Variants in CTSG observed in about 807,000 individuals in gnomAD.
The protein encoded by CTSG is cathepsin G.
Under a neutral mutation model 23.0 loss-of-function variants are expected in CTSG, and 23 were observed. The observed-to-expected ratio is 1.00, with a 90% CI of 0.72 to 1.42. The LOEUF is 1.42. Among genes scored for constraint, CTSG ranks in the 40% most tolerant of loss-of-function variants. The pLI is 0.00. For synonymous variants in CTSG, 140 were observed against 130.4 expected (o/e 1.07, Z -0.50); for missense variants, 312 against 326.2 (o/e 0.96, Z 0.33).
chr14:24,574,095 C>G, intron 4 of CTSG, 150 bp downstream of exon 4: 1 of 1,008,514 alleles, frequency 9.9e-7, no homozygotes, highest in Non-Finnish European at 1.4e-6. Context: ...CTCCTATTCC[C>G]CCAGAGACCA....
At position 24,575,317 on chromosome 14, in the gene CTSG, C is replaced by A; in HGVS notation, c.151G>T (p.Gly51Trp). 1 of 1,614,180 alleles carries A rather than the reference C, an allele frequency of 6.2e-7. No homozygotes were observed. Among genetic ancestry groups the A allele is most frequent in the Non-Finnish European group, 8.5e-7 (1 of 1,180,036 alleles). The part of the protein sequence containing the change: ...QSPAGQSRCG[G>W]FLVREDFVLT... ...ACAAAGTCTTCTCGCACCAGGAACCCTCCACATCTGCTCTGACCTGCTGGA... is the reference window on the plus strand; with the variant it reads ...ACAAAGTCTTCTCGCACCAGGAACCATCCACATCTGCTCTGACCTGCTGGA... The change falls in exon 2 of 5, where the codon GGG becomes TGG. Residue 51 changes from glycine (G) to tryptophan (W), a missense_variant. Transcript: ENST00000216336.
Position 24,574,500 on chromosome 14 carries a change from C to A in CTSG, c.340-1G>T, listed in dbSNP as rs1192540583. On this transcript the variant is annotated splice_acceptor_variant, in intron 3 of 4. Transcript: ENST00000216336. LOFTEE classifies it high-confidence loss of function. ...GATTCCGTCTGACTCTTCTGCTCAG[C>A]TGGAGGAAGAATGTAGGCGTTCCCG... 4 of 1,613,994 alleles carry A rather than the reference C, an allele frequency of 2.5e-6. No individual in the cohort carries two copies. The highest frequency in any genetic ancestry group is 3.4e-6 in the Non-Finnish European group (4 of 1,179,980).
At position 24,574,530 on chromosome 14, in the gene CTSG, G is replaced by A. The variant is rs772051811; in HGVS notation, c.340-31C>T. On this transcript the variant is annotated intron_variant, in intron 3 of 4. Coordinates refer to ENST00000216336, the MANE Select transcript of CTSG (RefSeq NM_001911.3). Reference sequence around the variant, plus strand: ...GGAAGAATGTAGGCGTTCCCGCTCAGCTGGGGCCTCCAGCCAAGGCTCGGG... The same window carrying A: ...GGAAGAATGTAGGCGTTCCCGCTCAACTGGGGCCTCCAGCCAAGGCTCGGG... The A allele has an allele frequency of 1.9e-5, 30 of 1,612,644 alleles. No individual in the cohort carries two copies. The South Asian group carries it at 3.1e-4, about 17-fold the overall frequency.
chr14:24,573,621 C>G lies in CTSG; in HGVS notation c.*16G>C, dbSNP rs755001644. ...ACACTGTGGAGCTGGCCTGTGTCCC[C>G]GAGAAGAAGAGTCAGTCACAGGGGG... On this transcript the variant is annotated 3_prime_UTR_variant, in exon 5 of 5. Coordinates refer to ENST00000216336, the MANE Select transcript of CTSG (RefSeq NM_001911.3). 6.2e-7 allele frequency: 1 copy of G among 1,608,370 alleles called. No individual in the cohort carries two copies. Among genetic ancestry groups the G allele is most frequent in the South Asian group, 1.1e-5 (1 of 90,698 alleles).
At chr14:24,575,214 G>A (rs1453782924) in intron 2 of CTSG, 51 bp downstream of exon 2, 1 of 1,608,794 alleles carries the variant, frequency 6.2e-7, no homozygotes, top group Non-Finnish European at 8.5e-7. Context: ...CCACCGAAGA[G>A]CTCCGCAGGG....
At chr14:24,573,941 G>A in intron 4 of CTSG, 131 bp from the exon 5 acceptor site, 2 of 851,550 alleles carry the variant, frequency 2.3e-6, no homozygotes, top group East Asian at 2.6e-5. Flanking sequence ...ATGGAAGATC[G>A]GTGGGGTACA....
chr14:24,576,020 C>A (rs529371088), intron 1 of CTSG, 149 bp downstream of exon 1: 2 of 657,800 alleles, frequency 3.0e-6, no homozygotes. Context: ...TCTGCAAGAT[C>A]GGTATTAATA....
chr14:24,573,614 G>A lies in CTSG; in HGVS notation c.*23C>T. On this transcript the variant is annotated 3_prime_UTR_variant, in exon 5 of 5. Transcript: ENST00000216336. ...TCTGGCAACACTGTGGAGCTGGCCTGTGTCCCCGAGAAGAAGAGTCAGTCA... is the reference window on the plus strand; with the variant it reads ...TCTGGCAACACTGTGGAGCTGGCCTATGTCCCCGAGAAGAAGAGTCAGTCA... The A allele has an allele frequency of 6.2e-7, 1 of 1,607,014 alleles. No individual in the cohort carries two copies. The highest frequency in any genetic ancestry group is 2.2e-5 in the East Asian group (1 of 44,760).
intron 3 of CTSG, 49 bp from the exon 4 acceptor site, chr14:24,574,548 G>A (rs1212741275): frequency 1.2e-6 from 2 of 1,612,018 alleles, no homozygotes; most frequent in East Asian, 2.2e-5. Flanking sequence ...CTCCAGCCAA[G>A]GCTCGGGGGT....
intron 4 of CTSG, among the ~76,000 whole-genome samples, 179 bp downstream of exon 4, chr14:24,574,066 G>A (rs958477653): frequency 2.0e-5 from 3 of 152,170 alleles, no homozygotes; most frequent in Non-Finnish European, 4.4e-5. Context: ...TGTTGCCTAT[G>A]TATGTGTTGT....
At chr14:24,575,950 T>C (rs2066739823) in intron 1 of CTSG, among the ~76,000 whole-genome samples, 2 of 152,234 alleles carry the variant, frequency 1.3e-5, no homozygotes, top group Non-Finnish European at 2.9e-5. Context: ...ATAGCACTTA[T>C]AGTGTGCGGG....
chr14:24,575,270 C>T lies in CTSG; in HGVS notation c.198G>A (p.Trp66Ter), dbSNP rs2066736157. The change falls in exon 2 of 5, where the codon TGG becomes TGA. Residue 66 changes from tryptophan (W) to a stop codon, truncating the protein, a stop_gained. Coordinates refer to ENST00000216336, the MANE Select transcript of CTSG (RefSeq NM_001911.3). LOFTEE classifies it high-confidence loss of function. ...GAAGTTCCTTAGCTCCTCACCTTCC[C>T]CAGCAATGAGCTGCTGTCAGCACAA... is the stretch of plus-strand genomic sequence containing the variant. Reference protein sequence around the residue: ...EDFVLTAAHCWGSNINVTLGA... With the variant: ...EDFVLTAAHC 2 of 1,614,088 alleles carry T rather than the reference C, an allele frequency of 1.2e-6. No homozygotes were observed. Among genetic ancestry groups the T allele is most frequent in the East Asian group, 2.2e-5 (1 of 44,870 alleles).
At position 24,574,032 on chromosome 14, in the gene CTSG, G is replaced by T. The variant is rs141427153; in HGVS notation, c.594+213C>A. Among the ~76,000 whole-genome samples, 64 of 152,252 alleles carry T rather than the reference G, an allele frequency of 4.2e-4. No homozygotes were observed. Among genetic ancestry groups the T allele is most frequent in the African/African-American group, 1.5e-3 (62 of 41,550 alleles). Reference sequence around the variant, plus strand: ...TGTCTCCAGCCCAATCTGAGTCAAGGTACCTCTCCCTTCTCCAGGAGAATG... The same window carrying T: ...TGTCTCCAGCCCAATCTGAGTCAAGTTACCTCTCCCTTCTCCAGGAGAATG... On this transcript the variant is annotated intron_variant, in intron 4 of 4. Transcript: ENST00000216336.
At chr14:24,576,095 G>T in intron 1 of CTSG, 74 bp downstream of exon 1, 1 of 1,265,662 alleles carries the variant, frequency 7.9e-7, no homozygotes, top group Non-Finnish European at 1.1e-6. Flanking sequence ...ACAGAATTAG[G>T]ATATACCAAG....
In CTSG at chr14:24,576,164, C is replaced by G. The variant is rs1396021040; in HGVS notation, c.55+5G>C. On this transcript the variant is annotated splice_donor_5th_base_variant and intron_variant, in intron 1 of 4. Coordinates refer to ENST00000216336, the MANE Select transcript of CTSG (RefSeq NM_001911.3). ...AGGCCTCTGAGGGTGGGGATGGTCA[C>G]TCACCTGCCTCAGCCCCAGTGGGTA... 2 of 1,608,368 alleles carry G rather than the reference C, an allele frequency of 1.2e-6. No individual in the cohort carries two copies. Among genetic ancestry groups the G allele is most frequent in the Non-Finnish European group, 1.7e-6 (2 of 1,177,606 alleles).
At position 24,573,531 on chromosome 14, in the gene CTSG, A is replaced by T. The variant is rs1386138097; in HGVS notation, c.*106T>A. On this transcript the variant is annotated 3_prime_UTR_variant, in exon 5 of 5. Coordinates refer to ENST00000216336, the MANE Select transcript of CTSG (RefSeq NM_001911.3). The stretch of plus-strand genomic sequence containing the variant: ...ATCCAAACAAACTAAGTACTGAATG[A>T]CGTTTAATGAACAAATGAGGAATTG... The T allele has an allele frequency of 3.5e-6, 4 of 1,132,712 alleles. No homozygotes were observed. The Admixed American group carries it at 9.2e-5, about 26-fold the overall frequency. 70.2% of individuals were successfully genotyped at this position (1,132,712 alleles called of 1,614,324 possible).
chr14:24,573,711 A>T lies in CTSG; in HGVS notation c.694T>A (p.Ser232Thr), dbSNP rs766684169. Residue 232 changes from serine to threonine, a missense_variant, in exon 5 of 5, where the codon TCA (serine) becomes ACA (threonine). Ser to Thr is a moderately conservative substitution (Grantham distance 58, BLOSUM62 1). Coordinates refer to ENST00000216336, the MANE Select transcript of CTSG (RefSeq NM_001911.3). ...GVPPEVFTRV[S>T]SFLPWIRTTM... ...GTCCTTATCCAGGGCAGGAAACTTGAGACCCTGGTGAAGACTTCTGGAGGA... is the reference window on the plus strand; with the variant it reads ...GTCCTTATCCAGGGCAGGAAACTTGTGACCCTGGTGAAGACTTCTGGAGGA... The T allele has an allele frequency of 6.8e-6, 11 of 1,614,082 alleles. No homozygotes were observed. The highest frequency in any genetic ancestry group is 9.3e-6 in the Non-Finnish European group (11 of 1,180,018).
intron 2 of CTSG, 66 bp downstream of exon 2, chr14:24,575,199 C>G: frequency 6.3e-7 from 1 of 1,588,496 alleles, no homozygotes; most frequent in Non-Finnish European, 8.6e-7. Flanking sequence ...TTTCAGATGG[C>G]TCTTCCACCG....
Position 24,574,805 on chromosome 14 carries a change from A to ATAT in CTSG, c.206_208dup (p.Asn69dup). The ATAT allele has an allele frequency of 3.1e-6, 5 of 1,613,540 alleles. No individual in the cohort carries two copies. The highest frequency in any genetic ancestry group is 4.2e-6 in the Non-Finnish European group (5 of 1,180,022). The stretch of plus-strand genomic sequence containing the variant: ...ATTGTGGGCGCCCAGGGTGACATTT[A>ATAT]TATTGCTGCAAAAGCAAGAGGTAGG... On this transcript the variant is annotated inframe_insertion, in exon 3 of 5. Coordinates refer to ENST00000216336, the MANE Select transcript of CTSG (RefSeq NM_001911.3).
Sources: allele counts gnomAD v4.1 joint callset (sites outside exome capture counted in the v4.1 genomes callset), GRCh38; gene constraint gnomAD v4.1.1; transcripts MANE v1.5; gene names NCBI Gene and HGNC (gene_info 2026-07-23, HGNC 2026-07-21).